Variants in NMT1 observed in about 807,000 individuals in gnomAD.
The protein encoded by NMT1 is glycylpeptide N-tetradecanoyltransferase 1.
NMT1 carries 12 observed loss-of-function variants against 63.4 expected under a neutral mutation model. That is an observed-to-expected ratio of 0.19 (90% CI 0.12 to 0.31). The LOEUF is 0.31. NMT1 is among the 10% of genes least tolerant of loss of function. The pLI is 1.00. For missense variants in NMT1, 432 were observed against 634.6 expected, an observed-to-expected ratio of 0.68 and a Z score of 3.43; for synonymous variants, 228 against 234.3, an observed-to-expected ratio of 0.97 and a Z score of 0.25.
rs200619309 is a variant in NMT1, at chr17:45,100,527, C to T, written c.993+1014C>T. Among the ~76,000 whole-genome samples the T allele has an allele frequency of 1.1e-4, 17 of 149,678 alleles. No homozygotes were observed. In the East Asian group the frequency reaches 3.4e-3, roughly 30 times the overall value. On this transcript the variant is annotated intron_variant, in intron 8 of 11. Coordinates refer to ENST00000258960, the MANE Select transcript of NMT1 (RefSeq NM_021079.5). ...AGCTTGCAGTGAGCCAAGATCACGT[C>T]ATTGCACTCCAGCCTAGGCGACAGA...
At chr17:45,099,560 G>C in intron 8 of NMT1, 47 bp downstream of exon 8, 1 of 1,383,968 alleles carries the variant, frequency 7.2e-7, no homozygotes, top group Non-Finnish European at 1.0e-6. Context: ...AGAGGGCAAG[G>C]AGAGCCTGGC....
In NMT1 at chr17:45,104,018, GC is replaced by G; in HGVS notation, c.1332+143del. 6 of 1,587,154 alleles carry G rather than the reference GC, an allele frequency of 3.8e-6. No homozygotes were observed. Among genetic ancestry groups the G allele is most frequent in the Non-Finnish European group, 4.3e-6 (5 of 1,174,256 alleles). On this transcript the variant is annotated intron_variant, in intron 10 of 11. Transcript: ENST00000258960. This position sits in a 1 kb window ranked among gnomAD's most constrained non-coding sequence, Gnocchi z 4.2. ...TCTGTTCTGCTTAGGCAGGGTTCCCGCAGTTTTTAGGCAGAAACTCAAAACT... is the reference window on the plus strand; with the variant it reads ...TCTGTTCTGCTTAGGCAGGGTTCCCGAGTTTTTAGGCAGAAACTCAAAACT...
intron 3 of NMT1, among the ~76,000 whole-genome samples, chr17:45,088,473 G>A (rs1438695615): frequency 6.6e-6 from 1 of 152,232 alleles, no homozygotes; most frequent in Non-Finnish European, 1.5e-5. Context: ...GGCAGATTGA[G>A]GCTGGGCGCA....
chr17:45,082,365 C>G (rs1462245644), intron 2 of NMT1, among the ~76,000 whole-genome samples: 1 of 152,114 alleles, frequency 6.6e-6, no homozygotes, highest in Admixed American at 6.6e-5. Context: ...ATCCTCCTGC[C>G]CTAGCCTCCC....
intron 1 of NMT1, among the ~76,000 whole-genome samples, chr17:45,073,266 A>G (rs747486369): frequency 6.6e-6 from 1 of 152,026 alleles, no homozygotes; most frequent in Non-Finnish European, 1.5e-5. Flanking sequence ...TAAAAATACA[A>G]AAATTAGCCA....
In NMT1 at chr17:45,104,111, G is replaced by A. The variant is rs781499575; in HGVS notation, c.1332+235G>A. On this transcript the variant is annotated intron_variant, in intron 10 of 11. Transcript: ENST00000258960. The surrounding 1 kb of genome is among the most constrained non-coding windows in gnomAD (Gnocchi z 4.2). ...CTCCTGATTCATTTCAGTGAGTTTC[G>A]TTCTCACAGGAGGCGCCACCAAGGA... The A allele has an allele frequency of 1.2e-5, 17 of 1,422,510 alleles. No homozygotes were observed. The highest frequency in any genetic ancestry group is 5.7e-5 in the African/African-American group (4 of 69,776). The allele number at this position is 1,422,510 out of a possible 1,614,324, so 88.1% of individuals were successfully genotyped here. A position where few individuals can be genotyped will look rare whatever the true frequency, so the allele number is the denominator to read the frequency against.
intron 2 of NMT1, 96 bp downstream of exon 2, chr17:45,081,848 C>T: frequency 1.1e-6 from 1 of 916,764 alleles, no homozygotes; most frequent in Non-Finnish European, 1.7e-6. Flanking sequence ...TGACGTTCTC[C>T]ACTGGTATTA....
Position 45,108,318 on chromosome 17 carries a change from C to T in NMT1, c.*2679C>T, listed in dbSNP as rs962373075. 3 of 152,138 alleles carry T rather than the reference C, an allele frequency of 2.0e-5. No homozygotes were observed. The highest frequency in any genetic ancestry group is 1.3e-4 in the Admixed American group (2 of 15,282). 9.4% of individuals were successfully genotyped at this position (152,138 alleles called of 1,614,324 possible). On this transcript the variant is annotated 3_prime_UTR_variant, in exon 12 of 12. Transcript: ENST00000258960. Reference sequence around the variant, plus strand: ...TGAGTAGGAGGCCTCCACTCCGGATCGAGGCCTGTATAGGGCTCGTTTCCC... The same window carrying T: ...TGAGTAGGAGGCCTCCACTCCGGATTGAGGCCTGTATAGGGCTCGTTTCCC...
chr17:45,065,580 C>A (rs1056769764), intron 1 of NMT1, among the ~76,000 whole-genome samples: 1 of 146,198 alleles, frequency 6.8e-6, no homozygotes, highest in African/African-American at 2.5e-5. Context: ...GCCGAGATTG[C>A]GCCATTGCAC....
intron 8 of NMT1, among the ~76,000 whole-genome samples, chr17:45,100,952 C>T (rs1039750740): frequency 2.1e-5 from 3 of 144,198 alleles, no homozygotes; most frequent in Non-Finnish European, 4.5e-5. Context: ...GAGGCCTAGG[C>T]GAGTGGATCA....
chr17:45,079,550 T>C (rs2054000246), intron 1 of NMT1, among the ~76,000 whole-genome samples: 1 of 152,214 alleles, frequency 6.6e-6, no homozygotes. Context: ...GTCTCTATTT[T>C]TTAATTTAAT....
intron 8 of NMT1, among the ~76,000 whole-genome samples, chr17:45,101,145 T>C (rs988137936): frequency 4.6e-5 from 7 of 151,164 alleles, no homozygotes; most frequent in South Asian, 2.1e-4. Flanking sequence ...GATAGCGCCA[T>C]TGCACTCCAG....
At chr17:45,097,768 C>G (rs1013868824) in intron 6 of NMT1, among the ~76,000 whole-genome samples, 1 of 152,158 alleles carries the variant, frequency 6.6e-6, no homozygotes, top group Non-Finnish European at 1.5e-5. Context: ...CCTCAGCCTC[C>G]CAAGTAGCTG....
intron 8 of NMT1, chr17:45,099,792 C>A: frequency 2.4e-6 from 1 of 410,124 alleles, no homozygotes; most frequent in South Asian, 2.9e-5. Flanking sequence ...GTAATTTTAG[C>A]CTAAGTAAAG....
At chr17:45,071,304 C>T (rs2053937887) in intron 1 of NMT1, 1 of 152,192 alleles carries the variant, frequency 6.6e-6, no homozygotes, top group South Asian at 2.1e-4. Context: ...GTGCAGTCCT[C>T]CTACTTCAGC....
chr17:45,101,208 A>G (rs369039821), intron 8 of NMT1, among the ~76,000 whole-genome samples: 205 of 151,566 alleles, frequency 1.4e-3, no homozygotes, highest in African/African-American at 4.5e-3. Context: ...CAACAAAAAA[A>G]GGATTTTGCC....
chr17:45,105,651 T>A lies in NMT1; in HGVS notation c.*12T>A, dbSNP rs1191436418. The A allele has an allele frequency of 1.7e-5, 27 of 1,612,488 alleles. No individual in the cohort carries two copies. Among genetic ancestry groups the A allele is most frequent in the Non-Finnish European group, 2.3e-5 (27 of 1,179,530 alleles). ...TGGTGCTACAATAACCAGTCACCAG[T>A]GCGATTCTGGATAAAGCCACTGAAA... On this transcript the variant is annotated 3_prime_UTR_variant, in exon 12 of 12. Coordinates refer to ENST00000258960, the MANE Select transcript of NMT1 (RefSeq NM_021079.5). This position sits in a 1 kb window ranked among gnomAD's most constrained non-coding sequence, Gnocchi z 4.2.
At position 45,086,632 on chromosome 17, in the gene NMT1, C is replaced by G. The variant is rs764230766; in HGVS notation, c.365C>G (p.Thr122Arg). ...AAGCGAAGCTACCAGTTCTGGGATA[C>G]GCAGCCCGTCCCCAAGCTGGGTATG... is the stretch of plus-strand genomic sequence containing the variant. ...ASKRSYQFWDTQPVPKLGEVV... is the reference protein window; with the variant it reads ...ASKRSYQFWDRQPVPKLGEVV... The change falls in exon 3 of 12, where the codon ACG (threonine) becomes AGG (arginine). Residue 122 changes from threonine to arginine, a missense_variant. By Grantham distance (71) the Thr-to-Arg change is moderately conservative. This residue lies in a region of NMT1 where 295 missense variants were observed against 489.7 expected (regional missense o/e 0.60). Coordinates refer to ENST00000258960, the MANE Select transcript of NMT1 (RefSeq NM_021079.5). 3.1e-6 allele frequency: 5 copies of G among 1,611,688 alleles called. No individual in the cohort carries two copies. The highest frequency in any genetic ancestry group is 4.2e-6 in the Non-Finnish European group (5 of 1,179,020).
Position 45,086,124 on chromosome 17 carries a change from CT to C in NMT1, c.241-367del, listed in dbSNP as rs758394346. ...GGCATGAGCCACTGCGCCCAGCACTCTTTTTTTTTTTTTTTTTGAGACGGAG... is the reference window on the plus strand; with the variant it reads ...GGCATGAGCCACTGCGCCCAGCACTCTTTTTTTTTTTTTTTTGAGACGGAG... On this transcript the variant is annotated intron_variant, in intron 2 of 11. Transcript: ENST00000258960. Among the ~76,000 whole-genome samples, 1,165 of 117,434 alleles carry C rather than the reference CT, an allele frequency of 9.9e-3. 5 individuals are homozygous for C. Among genetic ancestry groups the C allele is most frequent in the Middle Eastern group, 0.027 (4 of 148 alleles). The allele number at this position is 117,434 out of a possible 152,430, so 77.0% of individuals were successfully genotyped here.
Sources: gnomAD v4.1 joint callset for allele counts (sites outside exome capture counted in the v4.1 genomes callset) on GRCh38, gnomAD v4.1.1 for gene constraint, gnomAD v4.1.1 regional missense constraint, Gnocchi (gnomAD v3.1) non-coding constraint, MANE v1.5 for transcripts, NCBI Gene and HGNC (gene_info 2026-07-23, HGNC 2026-07-21) for gene names.